REEP1: variants seen among roughly 807,000 people sequenced by gnomAD.
REEP1 encodes the protein receptor expression-enhancing protein 1.
In REEP1, 22 loss-of-function variants were observed where a neutral mutation model predicts 40.3. That is an observed-to-expected ratio of 0.55 (90% CI 0.39 to 0.78). REEP1 has a LOEUF of 0.78. Ranked by LOEUF, REEP1 falls within the 30% of genes least tolerant of loss-of-function variation. The probability of loss-of-function intolerance (pLI) is 0.00; values close to 1 mark genes in which losing one functional copy is unlikely to be tolerated. For missense variants in REEP1, 280 were observed against 361.1 expected (o/e 0.78, Z 1.82); for synonymous variants, 116 against 139.2 (o/e 0.83, Z 1.17).
chr2:86,275,476 T>C (rs1677709376), intron 2 of REEP1, among the ~76,000 whole-genome samples: 1 of 152,208 alleles, frequency 6.6e-6, no homozygotes, highest in Admixed American at 6.5e-5. Context: ...GTCTATACTC[T>C]AAATTACTTC....
rs1289778793 is a variant in REEP1, at chr2:86,215,655, AG to A, written c.*1383del. 2.6e-5 allele frequency: 4 copies of A among 152,632 alleles called. No individual in the cohort carries two copies. The highest frequency in any genetic ancestry group is 5.9e-5 in the Non-Finnish European group (4 of 68,032). The allele number at this position is 152,632 out of a possible 1,614,324, so 9.5% of individuals were successfully genotyped here. A position where few individuals can be genotyped will look rare whatever the true frequency, so the allele number is the denominator to read the frequency against. On this transcript the variant is annotated 3_prime_UTR_variant, in exon 9 of 9. Transcript: ENST00000538924. ...TTTCGGCTCAGCTCTCAGTGGGGAG[AG>A]CAGCTACCTCGGACCACAATGCCAT...
At chr2:86,239,333 T>C (rs1476805612) in intron 5 of REEP1, among the ~76,000 whole-genome samples, 1 of 150,838 alleles carries the variant, frequency 6.6e-6, no homozygotes, top group South Asian at 2.1e-4. Context: ...CTTAATGAGG[T>C]CCTCTTTTCC....
Position 86,280,044 on chromosome 2 carries a change from G to A in REEP1, c.105+2126C>T, listed in dbSNP as rs17027114. 3.5e-3 allele frequency: 1,614 copies of A among 456,322 alleles called. 28 individuals are homozygous for A. The highest frequency in any genetic ancestry group is 0.03 in the African/African-American group (1,503 of 50,176). 28.3% of individuals were successfully genotyped at this position (456,322 alleles called of 1,614,324 possible). A position where few individuals can be genotyped will look rare whatever the true frequency, so the allele number is the denominator to read the frequency against. On this transcript the variant is annotated intron_variant, in intron 2 of 8. Transcript: ENST00000538924. ...ACCTGGTTTGGAAGATTATTCAGGCGACAGGGATGAAGGGACATGGTCACC... is the reference window on the plus strand; with the variant it reads ...ACCTGGTTTGGAAGATTATTCAGGCAACAGGGATGAAGGGACATGGTCACC...
At chr2:86,221,115 A>G (rs1674403268) in intron 7 of REEP1, among the ~76,000 whole-genome samples, 1 of 152,152 alleles carries the variant, frequency 6.6e-6, no homozygotes, top group South Asian at 2.1e-4. Flanking sequence ...TTCTTGAGAC[A>G]CCCTGCTCCT....
chr2:86,235,279 G>C (rs1404040522), intron 5 of REEP1, among the ~76,000 whole-genome samples: 1 of 152,202 alleles, frequency 6.6e-6, no homozygotes, highest in African/African-American at 2.4e-5. Flanking sequence ...GTCAGGCCTT[G>C]ATTCAAATTC....
At chr2:86,225,538 T>C (rs1174211494) in intron 7 of REEP1, among the ~76,000 whole-genome samples, 1 of 152,244 alleles carries the variant, frequency 6.6e-6, no homozygotes, top group East Asian at 1.9e-4. Context: ...CCCAAAGTGC[T>C]GGGATTACAG....
At chr2:86,253,558 A>G (rs1676396554) in intron 4 of REEP1, among the ~76,000 whole-genome samples, 1 of 152,164 alleles carries the variant, frequency 6.6e-6, no homozygotes, top group African/African-American at 2.4e-5. Context: ...CCTTCACTTC[A>G]ATGGAAGTTA....
chr2:86,336,083 A>C (rs1173779133), intron 1 of REEP1, among the ~76,000 whole-genome samples: 1 of 152,154 alleles, frequency 6.6e-6, no homozygotes, highest in Non-Finnish European at 1.5e-5. Flanking sequence ...CAGAGAGGAA[A>C]CACCACCCTG....
chr2:86,256,833 C>T (rs78408973), intron 3 of REEP1, among the ~76,000 whole-genome samples: 1,547 of 152,300 alleles, frequency 0.01, 28 homozygotes, highest in African/African-American at 0.035. Flanking sequence ...GAGACAGTCA[C>T]CTGTCCTAGT....
At chr2:86,325,257 A>T (rs560486533) in intron 1 of REEP1, among the ~76,000 whole-genome samples, 24 of 152,310 alleles carry the variant, frequency 1.6e-4, no homozygotes, top group African/African-American at 5.3e-4. Context: ...TTTAAAAAAA[A>T]TTTTAAAAAA....
At chr2:86,251,863 G>A in intron 5 of REEP1, 94 bp downstream of exon 5, 1 of 885,878 alleles carries the variant, frequency 1.1e-6, no homozygotes, top group Non-Finnish European at 1.9e-6. Flanking sequence ...CCACTGATTG[G>A]TCCTTAGCCT....
intron 1 of REEP1, among the ~76,000 whole-genome samples, chr2:86,303,901 C>T (rs1265075264): frequency 6.6e-6 from 1 of 152,108 alleles, no homozygotes; most frequent in Non-Finnish European, 1.5e-5. Context: ...GAATCACCCC[C>T]AGAGCACATC....
At position 86,264,596 on chromosome 2, in the gene REEP1, C is replaced by T. The variant is rs1286011912; in HGVS notation, c.106-555G>A. 2.0e-5 allele frequency among the ~76,000 whole-genome samples: 3 copies of T among 152,260 alleles called. No homozygotes were observed. The East Asian group carries it at 5.8e-4, about 29-fold the overall frequency. ...AACCCATCCTAATACCAAGCCACCC[C>T]TGTACTATTCTCCCAAAAGTATAAA... On this transcript the variant is annotated intron_variant, in intron 2 of 8. Transcript: ENST00000538924.
At chr2:86,317,233 G>A (rs1168589818) in intron 1 of REEP1, among the ~76,000 whole-genome samples, 1 of 152,072 alleles carries the variant, frequency 6.6e-6, no homozygotes, top group Non-Finnish European at 1.5e-5. Flanking sequence ...AATTCAGTGT[G>A]TGAACTCTAA....
intron 1 of REEP1, among the ~76,000 whole-genome samples, chr2:86,302,394 A>C (rs572883733): frequency 1.3e-5 from 2 of 152,348 alleles, no homozygotes; most frequent in East Asian, 3.9e-4. Context: ...TAAAGAATTC[A>C]CAAACCCATC....
In REEP1 at chr2:86,238,024, A is replaced by G. The variant is rs532025651; in HGVS notation, c.418-5222T>C. 2.7e-4 allele frequency among the ~76,000 whole-genome samples: 41 copies of G among 152,196 alleles called. 1 individual carries two copies. Among genetic ancestry groups the G allele is most frequent in the African/African-American group, 9.9e-4 (41 of 41,544 alleles). On this transcript the variant is annotated intron_variant, in intron 5 of 8. Coordinates refer to ENST00000538924, the MANE Select transcript of REEP1 (RefSeq NM_001371279.1). ...TGGAGAAACTCCATCTCTACTAAAA[A>G]TACAAAATTAGCCAGGCATGGTGGT...
At chr2:86,258,672 C>G (rs1013935353) in intron 3 of REEP1, among the ~76,000 whole-genome samples, 1 of 152,248 alleles carries the variant, frequency 6.6e-6, no homozygotes, top group Non-Finnish European at 1.5e-5. Context: ...GCTCTACCAA[C>G]ACAATCCCCG....
At chr2:86,241,341 C>T (rs192605909) in intron 5 of REEP1, among the ~76,000 whole-genome samples, 11 of 152,350 alleles carry the variant, frequency 7.2e-5, no homozygotes, top group Admixed American at 5.2e-4. Context: ...AACATGCCCA[C>T]GCTATCGCAC....
intron 1 of REEP1, among the ~76,000 whole-genome samples, chr2:86,325,463 C>A (rs1457266483): frequency 1.3e-5 from 2 of 152,124 alleles, no homozygotes; most frequent in Non-Finnish European, 2.9e-5. Flanking sequence ...GTAAAAGGGA[C>A]TTTGCAGGTA....
Sources: allele counts gnomAD v4.1 joint callset (sites outside exome capture counted in the v4.1 genomes callset), GRCh38; gene constraint gnomAD v4.1.1; transcripts MANE v1.5; gene names NCBI Gene and HGNC (gene_info 2026-07-23, HGNC 2026-07-21).